GRM1: variants seen among roughly 807,000 people sequenced by gnomAD.
GRM1 encodes the protein metabotropic glutamate receptor 1.
Under a neutral mutation model 90.9 loss-of-function variants are expected in GRM1, and 33 were observed. That is an observed-to-expected ratio of 0.36 (90% CI 0.28 to 0.49). The LOEUF (loss-of-function observed/expected upper bound fraction) is 0.49, where lower values mean the gene tolerates loss of function less well. Ranked by LOEUF, GRM1 falls within the 20% of genes least tolerant of loss-of-function variation. The probability of loss-of-function intolerance (pLI) is 0.99; values close to 1 mark genes in which losing one functional copy is unlikely to be tolerated. For missense variants in GRM1, 1,190 were observed against 1,534.3 expected (o/e 0.78, Z 3.75); for synonymous variants, 700 against 613.2 (o/e 1.14, Z -2.09).
chr6:146,399,487 C>T lies in GRM1; in HGVS notation c.2448C>T (p.Cys816=), dbSNP rs1210718065. The change falls in exon 7 of 8, where the codon TGC becomes TGT. Residue 816 remains cysteine, a synonymous_variant. Coordinates refer to ENST00000282753, the MANE Select transcript of GRM1 (RefSeq NM_001278064.2). The surrounding 1 kb of genome is among the most constrained non-coding windows in gnomAD (Gnocchi z 5.4). ...GCAACTACAAGATCATCACAACTTGCTTTGCAGTGAGTCTCAGTGTAACAG... is the reference window on the plus strand; with the variant it reads ...GCAACTACAAGATCATCACAACTTGTTTTGCAGTGAGTCTCAGTGTAACAG... ...FGSNYKIITT[C]FAVSLSVTVA... 3.7e-6 allele frequency: 6 copies of T among 1,614,042 alleles called. No homozygotes were observed. The African/African-American group carries it at 5.3e-5, about 14-fold the overall frequency.
intron 7 of GRM1, among the ~76,000 whole-genome samples, chr6:146,427,426 A>C (rs944462267): frequency 2.6e-5 from 4 of 152,084 alleles, no homozygotes; most frequent in African/African-American, 9.7e-5. Context: ...TGGAGAGTCA[A>C]AGGTACACAT....
At chr6:146,336,908 C>A (rs1356741674) in intron 3 of GRM1, among the ~76,000 whole-genome samples, 1 of 152,166 alleles carries the variant, frequency 6.6e-6, no homozygotes, top group East Asian at 1.9e-4. Flanking sequence ...CTGGGGCCTG[C>A]CATTGAAAGG....
At chr6:146,384,575 C>A (rs1583421182) in intron 5 of GRM1, among the ~76,000 whole-genome samples, 1 of 152,080 alleles carries the variant, frequency 6.6e-6, no homozygotes, top group African/African-American at 2.4e-5. Context: ...AATCCGCACT[C>A]TACACCTTAA....
intron 3 of GRM1, among the ~76,000 whole-genome samples, chr6:146,322,010 A>T (rs1334702271): frequency 6.6e-6 from 1 of 151,352 alleles, no homozygotes; most frequent in African/African-American, 2.4e-5. Context: ...CCTTTTTGCA[A>T]TTTTTTCCCT....
chr6:146,282,759 G>T (rs900660938), intron 2 of GRM1, among the ~76,000 whole-genome samples: 2 of 152,064 alleles, frequency 1.3e-5, no homozygotes, highest in Non-Finnish European at 2.9e-5. Context: ...AATAAAAAAA[G>T]GATGTAAAAT....
chr6:146,335,859 G>T (rs1440934708), intron 3 of GRM1, among the ~76,000 whole-genome samples: 1 of 152,134 alleles, frequency 6.6e-6, no homozygotes. Context: ...GAGACCTGGT[G>T]GGAGGTAATT....
At chr6:146,331,871 C>T (rs946000002) in intron 3 of GRM1, among the ~76,000 whole-genome samples, 7 of 152,104 alleles carry the variant, frequency 4.6e-5, no homozygotes, top group African/African-American at 1.2e-4. Flanking sequence ...CCTTGAAGAA[C>T]GGCCTTAAGG....
intron 2 of GRM1, among the ~76,000 whole-genome samples, chr6:146,300,558 A>G (rs1783339840): frequency 6.6e-6 from 1 of 152,236 alleles, no homozygotes; most frequent in Non-Finnish European, 1.5e-5. Context: ...TTAGTGAGAA[A>G]TACTTAAGAC....
chr6:146,405,192 G>T (rs1777303235), intron 7 of GRM1, among the ~76,000 whole-genome samples: 1 of 152,146 alleles, frequency 6.6e-6, no homozygotes, highest in African/African-American at 2.4e-5. Flanking sequence ...AAGATTCTTA[G>T]AAATTTAAGT....
intron 2 of GRM1, among the ~76,000 whole-genome samples, chr6:146,269,772 T>C (rs1188802350): frequency 2.0e-5 from 3 of 152,112 alleles, no homozygotes; most frequent in African/African-American, 7.3e-5. Context: ...CAGTTTCATC[T>C]GAAAACCTCC....
chr6:146,354,211 A>T (rs1562632812), intron 4 of GRM1, among the ~76,000 whole-genome samples: 1 of 152,230 alleles, frequency 6.6e-6, no homozygotes, highest in Non-Finnish European at 1.5e-5. Flanking sequence ...AGATGGAATG[A>T]TTCAGGAACT....
chr6:146,351,471 C>T (rs1335325115), intron 3 of GRM1, among the ~76,000 whole-genome samples: 24 of 152,198 alleles, frequency 1.6e-4, no homozygotes, highest in Admixed American at 1.6e-3. Context: ...GTCCTGAAGT[C>T]TAGGCTTCCA....
intron 5 of GRM1, among the ~76,000 whole-genome samples, chr6:146,367,051 C>G (rs1005665050): frequency 3.3e-5 from 5 of 152,114 alleles, no homozygotes; most frequent in Non-Finnish European, 5.9e-5. Flanking sequence ...ATTTAAGTCT[C>G]TAATCCATTT....
chr6:146,323,198 T>C (rs564371177), intron 3 of GRM1, among the ~76,000 whole-genome samples: 1 of 152,288 alleles, frequency 6.6e-6, no homozygotes, highest in East Asian at 1.9e-4. Flanking sequence ...TAGTTTACAG[T>C]CCCACCAACA....
intron 2 of GRM1, among the ~76,000 whole-genome samples, chr6:146,170,664 C>T (rs1264075930): frequency 1.3e-5 from 2 of 152,014 alleles, no homozygotes; most frequent in Admixed American, 6.6e-5. Context: ...TTTAATTAGA[C>T]ACTGTCATTA....
chr6:146,118,209 C>T (rs371657601), intron 1 of GRM1, among the ~76,000 whole-genome samples: 42 of 146,912 alleles, frequency 2.9e-4, no homozygotes, highest in African/African-American at 8.5e-4. Context: ...GTGCGATCTC[C>T]GCTCACTGCA....
At chr6:146,259,525 GA>G (rs1313096812) in intron 2 of GRM1, among the ~76,000 whole-genome samples, 4 of 152,104 alleles carry the variant, frequency 2.6e-5, no homozygotes, top group African/African-American at 9.7e-5. Context: ...GACTACTCCA[GA>G]TAGCCCATAT....
rs546190596 is a variant in GRM1 at position 146,203,250 on chromosome 6, A to T, written c.950+43653A>T. ...AAATAAATAAATAAATAAATCCCTGAATGTTAGTGGTTTAATGCAGAGGAG... is the reference window on the plus strand; with the variant it reads ...AAATAAATAAATAAATAAATCCCTGTATGTTAGTGGTTTAATGCAGAGGAG... On this transcript the variant is annotated intron_variant, in intron 2 of 7. Transcript: ENST00000282753. Among the ~76,000 whole-genome samples, 6 of 151,544 alleles carry T rather than the reference A, an allele frequency of 4.0e-5. No homozygotes were observed. The South Asian group carries it at 1.3e-3, about 32-fold the overall frequency.
At chr6:146,059,283 T>G (rs751651227) in intron 1 of GRM1, among the ~76,000 whole-genome samples, 3 of 152,140 alleles carry the variant, frequency 2.0e-5, no homozygotes, top group Non-Finnish European at 4.4e-5. Context: ...GAAAACAACA[T>G]TAATCTTCCT....
Sources: allele counts gnomAD v4.1 joint callset (sites outside exome capture counted in the v4.1 genomes callset), GRCh38; gene constraint gnomAD v4.1.1; non-coding constraint Gnocchi (gnomAD v3.1); transcripts MANE v1.5; gene names NCBI Gene and HGNC (gene_info 2026-07-23, HGNC 2026-07-21).